Variants in JAG2 observed in about 807,000 individuals in gnomAD.
The protein encoded by JAG2 is jagged canonical Notch ligand 2, also known as protein jagged-2.
In JAG2, 46 loss-of-function variants were observed where a neutral mutation model predicts 141.7. The observed-to-expected ratio is 0.32, with a 90% CI of 0.26 to 0.42. The LOEUF (loss-of-function observed/expected upper bound fraction) is 0.42. Ranked by LOEUF, JAG2 falls within the 10% of genes least tolerant of loss-of-function variation. The pLI is 1.00. For missense variants in JAG2, 1,500 were observed against 1,817.5 expected (o/e 0.83, Z 3.18); for synonymous variants, 862 against 763.5 (o/e 1.13, Z -2.13).
Position 105,145,908 on chromosome 14 carries a change from T to C in JAG2, c.2775A>G (p.Pro925=), listed in dbSNP as rs2140971648. 1 of 1,569,054 alleles carries C rather than the reference T, an allele frequency of 6.4e-7. No homozygotes were observed. The highest frequency in any genetic ancestry group is 8.6e-7 in the Non-Finnish European group (1 of 1,158,266). The part of the protein sequence containing the change: ...GQPEALSAQC[P]LGQRCLEKAP... ...CCTTCTCCAGGCACCTTTGCCCCAG[T>C]GGGCACTGGGCGCTCAGGGCCTCGG... The change falls in exon 23 of 26, where the codon CCA becomes CCG. Residue 925 remains proline, a synonymous_variant. Coordinates refer to ENST00000331782, the MANE Select transcript of JAG2 (RefSeq NM_002226.5).
chr14:105,147,109 TC>T (rs1888248703), intron 20 of JAG2: 2 of 624,546 alleles, frequency 3.2e-6, no homozygotes, highest in East Asian at 5.5e-5. Context: ...CCCGGACTGG[TC>T]CCCCAGGCTG....
chr14:105,147,664 G>GT, intron 18 of JAG2, 108 bp downstream of exon 18: 1 of 1,084,144 alleles, frequency 9.2e-7, no homozygotes, highest in Non-Finnish European at 1.4e-6. Context: ...CTGGGGGCAG[G>GT]GGCAGCAGGG....
chr14:105,151,933 C>G lies in JAG2; in HGVS notation c.1039+5G>C. ...CAGAATTTGGGTGGCCAGCCCCCCA[C>G]GTACCCTTCTCACAGTTCCTGCCCG... On this transcript the variant is annotated splice_donor_5th_base_variant and intron_variant, in intron 7 of 25. Coordinates refer to ENST00000331782, the MANE Select transcript of JAG2 (RefSeq NM_002226.5). 1 of 1,612,876 alleles carries G rather than the reference C, an allele frequency of 6.2e-7. No individual in the cohort carries two copies. The highest frequency in any genetic ancestry group is 8.5e-7 in the Non-Finnish European group (1 of 1,180,006).
chr14:105,147,072 C>A (rs928666688), intron 20 of JAG2: 45 of 605,120 alleles, frequency 7.4e-5, no homozygotes, highest in South Asian at 7.0e-4. Context: ...TCAGGCTGCA[C>A]GCTCCAACCC....
chr14:105,144,949 C>T lies in JAG2; in HGVS notation c.3065G>A (p.Ser1022Asn). The T allele has an allele frequency of 3.1e-6, 5 of 1,601,158 alleles. No individual in the cohort carries two copies. Among genetic ancestry groups the T allele is most frequent in the Non-Finnish European group, 4.2e-6 (5 of 1,176,958 alleles). The change falls in exon 24 of 26, where the codon AGT becomes AAT. Residue 1022 changes from serine to asparagine, a missense_variant. Ser to Asn is a conservative substitution (Grantham distance 46, BLOSUM62 1). Coordinates refer to ENST00000331782, the MANE Select transcript of JAG2 (RefSeq NM_002226.5). ...LLCDRASSGASAVEVAVSFSP... is the reference protein window; with the variant it reads ...LLCDRASSGANAVEVAVSFSP... ...ACTCACCACGGCCACCTCCACAGCA[C>T]TGGCCCCCGAGGACGCCCGGTCGCA...
chr14:105,147,208 G>A (rs917705191), intron 20 of JAG2, 118 bp downstream of exon 20: 28 of 777,024 alleles, frequency 3.6e-5, no homozygotes, highest in Non-Finnish European at 5.5e-5. Flanking sequence ...CAGAAGAGAG[G>A]CAGGAAGTAG....
intron 6 of JAG2, 26 bp from the exon 7 acceptor site, chr14:105,152,083 G>A (rs1888452471): frequency 1.2e-6 from 2 of 1,613,074 alleles, no homozygotes; most frequent in Non-Finnish European, 1.7e-6. Context: ...GGATGCTCAG[G>A]GGAAAAGCCG....
At chr14:105,155,267 C>T (rs1254101604) in intron 5 of JAG2, among the ~76,000 whole-genome samples, 2 of 152,084 alleles carry the variant, frequency 1.3e-5, no homozygotes, top group Non-Finnish European at 2.9e-5. Context: ...GCCCATGCCC[C>T]ATCTCTGGGT....
Position 105,155,626 on chromosome 14 carries a change from C to A in JAG2, c.728-4G>T, listed in dbSNP as rs201535678. On this transcript the variant is annotated splice_polypyrimidine_tract_variant and splice_region_variant and intron_variant, in intron 4 of 25. Coordinates refer to ENST00000331782, the MANE Select transcript of JAG2 (RefSeq NM_002226.5). Reference sequence around the variant, plus strand: ...TTACACCCTTGTTTACACACAGCTGCGAACAGAGAGGAGCGAGAGGCACAG... The same window carrying A: ...TTACACCCTTGTTTACACACAGCTGAGAACAGAGAGGAGCGAGAGGCACAG... The A allele has an allele frequency of 1.9e-6, 3 of 1,612,648 alleles. No individual in the cohort carries two copies. The highest frequency in any genetic ancestry group is 2.2e-5 in the East Asian group (1 of 44,902).
Position 105,149,206 on chromosome 14 carries a change from C to T in JAG2, c.1717G>A (p.Val573Met), listed in dbSNP as rs374569282. Residue 573 changes from valine (V) to methionine (M), a missense_variant, in exon 13 of 26, where the codon GTG becomes ATG. By Grantham distance (21) the Val-to-Met change is conservative (BLOSUM62 1). This residue lies in a region of JAG2 where 875 missense variants were observed against 1,202.2 expected (regional missense o/e 0.73). Coordinates refer to ENST00000331782, the MANE Select transcript of JAG2 (RefSeq NM_002226.5). ...CCGCCAGGGCACGGCTCGCGGGGCA[C>T]GGAGCAGTTCTTGCCACCAAAGTCA... is the stretch of plus-strand genomic sequence containing the variant. ...PDDFGGKNCS[V>M]PREPCPGGAC... The T allele has an allele frequency of 2.0e-5, 32 of 1,611,918 alleles. No individual in the cohort carries two copies. The highest frequency in any genetic ancestry group is 2.5e-5 in the Non-Finnish European group (30 of 1,179,842).
intron 2 of JAG2, among the ~76,000 whole-genome samples, chr14:105,162,073 G>C (rs995383674): frequency 4.1e-4 from 62 of 152,296 alleles, no homozygotes; most frequent in African/African-American, 1.5e-3. Flanking sequence ...GCTGGCAGGG[G>C]CAATAGGCGA....
intron 25 of JAG2, 149 bp downstream of exon 25, chr14:105,143,333 A>C (rs1888121169): frequency 7.8e-7 from 1 of 1,279,846 alleles, no homozygotes; most frequent in African/African-American, 1.5e-5. Context: ...TGGGAAGGTC[A>C]GGTTGTGGGG....
chr14:105,149,419 C>T lies in JAG2; in HGVS notation c.1603-99G>A, dbSNP rs1207473301. On this transcript the variant is annotated intron_variant, in intron 12 of 25. Coordinates refer to ENST00000331782, the MANE Select transcript of JAG2 (RefSeq NM_002226.5). ...TACGAAGGTAGATCCCTGGGGACCC[C>T]CAGGCCCCTCCGCCCTGGGCCTAAC... is the stretch of plus-strand genomic sequence containing the variant. 2.0e-5 allele frequency: 29 copies of T among 1,483,896 alleles called. No homozygotes were observed. The East Asian group carries it at 6.4e-4, about 33-fold the overall frequency. The allele number at this position is 1,483,896 out of a possible 1,614,324, so 91.9% of individuals were successfully genotyped here. A position where few individuals can be genotyped will look rare whatever the true frequency, so the allele number is the denominator to read the frequency against.
At position 105,167,616 on chromosome 14, in the gene JAG2, C is replaced by G; in HGVS notation, c.417+141G>C. On this transcript the variant is annotated intron_variant, in intron 2 of 25. Coordinates refer to ENST00000331782, the MANE Select transcript of JAG2 (RefSeq NM_002226.5). This position sits in a 1 kb window ranked among gnomAD's most constrained non-coding sequence, Gnocchi z 4.8. Reference sequence around the variant, plus strand: ...GCGGACCAAGTCCCCAGAGCACGCGCCCCCTGCCGGCCCCGCCCCGCCTGG... The same window carrying G: ...GCGGACCAAGTCCCCAGAGCACGCGGCCCCTGCCGGCCCCGCCCCGCCTGG... 1 of 995,512 alleles carries G rather than the reference C, an allele frequency of 1.0e-6. No individual in the cohort carries two copies. The highest frequency in any genetic ancestry group is 4.7e-5 in the East Asian group (1 of 21,260). The allele number at this position is 995,512 out of a possible 1,614,324, so 61.7% of individuals were successfully genotyped here.
chr14:105,157,758 G>C lies in JAG2; in HGVS notation c.423C>G (p.Ser141=). Residue 141 remains serine (S), a synonymous_variant, in exon 3 of 26, where the codon TCC becomes TCG. Transcript: ENST00000331782. Reference sequence around the variant, plus strand: ...CCCAGGCCTCCACGATGAGGGTAAAGGAGCGCTGCAGACATGGGGAGGCGG... The same window carrying C: ...CCCAGGCCTCCACGATGAGGGTAAACGAGCGCTGCAGACATGGGGAGGCGG... ...VIPFQFAWPR[S]FTLIVEAWDW... The C allele has an allele frequency of 1.9e-6, 3 of 1,577,254 alleles. No individual in the cohort carries two copies. Among genetic ancestry groups the C allele is most frequent in the Non-Finnish European group, 2.6e-6 (3 of 1,163,132 alleles).
intron 2 of JAG2, among the ~76,000 whole-genome samples, chr14:105,166,696 G>A (rs931332921): frequency 7.2e-5 from 11 of 152,218 alleles, no homozygotes; most frequent in African/African-American, 2.7e-4. Flanking sequence ...CCCAACTGGC[G>A]TGAGCTCGGC....
chr14:105,155,586 C>A lies in JAG2; in HGVS notation c.764G>T (p.Gly255Val). 1 of 1,612,836 alleles carries A rather than the reference C, an allele frequency of 6.2e-7. No individual in the cohort carries two copies. The highest frequency in any genetic ancestry group is 8.5e-7 in the Non-Finnish European group (1 of 1,179,946). The change falls in exon 5 of 26, where the codon GGA becomes GTA. Residue 255 changes from glycine to valine, a missense_variant. By Grantham distance (109) the Gly-to-Val change is moderately radical (BLOSUM62 -3). This residue lies in a region of JAG2 where 875 missense variants were observed against 1,202.2 expected (regional missense o/e 0.73). Transcript: ENST00000331782. ...CCTGCACTCCCCAGGCACGGTGCAT[C>A]CCCCGTGGAGCAAATTACACCCTTG... Reference protein sequence around the residue: ...CKQGCNLLHGGCTVPGECRCS... With the variant: ...CKQGCNLLHGVCTVPGECRCS...
chr14:105,151,761 G>T, intron 7 of JAG2, 22 bp from the exon 8 acceptor site: 1 of 1,600,980 alleles, frequency 6.2e-7, no homozygotes. Context: ...CGGGGAGGGG[G>T]CAGAGCTGGC....
In JAG2 at chr14:105,151,562, T is replaced by C. The variant is rs587650444; in HGVS notation, c.1153+64A>G. Reference sequence around the variant, plus strand: ...CCACTGCACCCCATCCCCAGCGAGTTGCCCCACTCCCAGACCCCCACTGAT... The same window carrying C: ...CCACTGCACCCCATCCCCAGCGAGTCGCCCCACTCCCAGACCCCCACTGAT... On this transcript the variant is annotated intron_variant, in intron 8 of 25. Coordinates refer to ENST00000331782, the MANE Select transcript of JAG2 (RefSeq NM_002226.5). The C allele has an allele frequency of 2.8e-6, 4 of 1,418,284 alleles. No homozygotes were observed. In the African/African-American group the frequency reaches 4.2e-5, roughly 15 times the overall value. The allele number at this position is 1,418,284 out of a possible 1,614,324, so 87.9% of individuals were successfully genotyped here.
Sources: allele counts gnomAD v4.1 joint callset (sites outside exome capture counted in the v4.1 genomes callset), GRCh38; gene constraint gnomAD v4.1.1; regional missense constraint gnomAD v4.1.1; non-coding constraint Gnocchi (gnomAD v3.1); transcripts MANE v1.5; gene names NCBI Gene and HGNC (gene_info 2026-07-23, HGNC 2026-07-21).